Variants in DST observed in about 807,000 individuals in gnomAD.
DST encodes bullous pemphigoid antigen.
Under a neutral mutation model 875.2 loss-of-function variants are expected in DST, and 253 were observed. The observed-to-expected ratio is 0.29, with a 90% CI of 0.26 to 0.32. The LOEUF (loss-of-function observed/expected upper bound fraction) is 0.32. DST is among the 10% of genes least tolerant of loss of function. DST has a pLI of 1.00. For missense variants in DST, 8,287 were observed against 9,111.6 expected (o/e 0.91, Z 3.68); for synonymous variants, 3,124 against 3,197.1 (o/e 0.98, Z 0.77).
At chr6:56,920,691 C>T (rs1803631786) in intron 2 of DST, among the ~76,000 whole-genome samples, 1 of 151,230 alleles carries the variant, frequency 6.6e-6, no homozygotes, top group Admixed American at 6.6e-5. Flanking sequence ...TAGCAAGATG[C>T]CATCAACAGC....
At chr6:56,536,054 C>T (rs2096991280) in intron 62 of DST, among the ~76,000 whole-genome samples, 1 of 152,116 alleles carries the variant, frequency 6.6e-6, no homozygotes, top group Non-Finnish European at 1.5e-5. Context: ...AGATGTCAAT[C>T]GAAAGAAAAC....
chr6:56,653,557 C>T (rs766082445), intron 10 of DST, among the ~76,000 whole-genome samples: 13 of 152,014 alleles, frequency 8.6e-5, no homozygotes, highest in African/African-American at 2.9e-4. Flanking sequence ...TGATGGCAGG[C>T]GCCTGTAATC....
intron 80 of DST, among the ~76,000 whole-genome samples, chr6:56,498,376 T>C (rs2095995683): frequency 6.6e-6 from 1 of 152,132 alleles, no homozygotes; most frequent in Non-Finnish European, 1.5e-5. Context: ...AGTCTCACTA[T>C]GTTGCCCAGG....
rs763241467 is a variant in DST at position 56,504,117 on chromosome 6, C to A, written c.19465-19G>T. 182 of 1,557,936 alleles carry A rather than the reference C, an allele frequency of 1.2e-4. No individual in the cohort carries two copies. Among genetic ancestry groups the A allele is most frequent in the Non-Finnish European group, 1.0e-4 (118 of 1,134,200 alleles). ...ATACCGCCTGAAAGACACATTCGCC[C>A]ACGTGTTGTTACAACAGTACATTTG... is the stretch of plus-strand genomic sequence containing the variant. On this transcript the variant is annotated intron_variant, in intron 77 of 103. Coordinates refer to ENST00000680361, the MANE Select transcript of DST (RefSeq NM_001374736.1).
At position 56,608,573 on chromosome 6, in the gene DST, C is replaced by G. The variant is rs562634117; in HGVS notation, c.6055G>C (p.Asp2019His). ...TATGTGAGGATACTGCTAGCAGTGT[C>G]CCTGTCAATCACCCCTTCTCTGACA... Reference protein sequence around the residue: ...EAVREGVIDRDTASSILTYQV... With the variant: ...EAVREGVIDRHTASSILTYQV... The change falls in exon 40 of 104, where the codon GAC becomes CAC. Residue 2019 changes from aspartate to histidine, a missense_variant. Physicochemically the swap from Asp to His is moderately conservative, Grantham distance 81. Coordinates refer to ENST00000680361, the MANE Select transcript of DST (RefSeq NM_001374736.1). The G allele has an allele frequency of 1.2e-6, 2 of 1,613,468 alleles. No homozygotes were observed. Among genetic ancestry groups the G allele is most frequent in the African/African-American group, 2.7e-5 (2 of 75,026 alleles).
rs143954921 is a variant in DST, at chr6:56,463,198, TA to T, written c.22960-43del. ...CAAATCAAATGAAAAGGATAGCAGA[TA>T]AAAAAAACAAAGCCACAGAAAGAGA... On this transcript the variant is annotated intron_variant, in intron 101 of 103. Coordinates refer to ENST00000680361, the MANE Select transcript of DST (RefSeq NM_001374736.1). 471 of 1,204,156 alleles carry T rather than the reference TA, an allele frequency of 3.9e-4. 6 individuals carry two copies. The South Asian group carries it at 4.9e-3, about 13-fold the overall frequency. The allele number at this position is 1,204,156 out of a possible 1,614,324, so 74.6% of individuals were successfully genotyped here.
At chr6:56,581,610 C>A (rs1000841223) in intron 49 of DST, among the ~76,000 whole-genome samples, 2 of 152,212 alleles carry the variant, frequency 1.3e-5, no homozygotes, top group Non-Finnish European at 2.9e-5. Context: ...GCATTTCTAA[C>A]AGCTCTTACA....
chr6:56,921,599 A>AT (rs1804241893), intron 2 of DST, among the ~76,000 whole-genome samples: 1 of 152,214 alleles, frequency 6.6e-6, no homozygotes, highest in Non-Finnish European at 1.5e-5. Flanking sequence ...AGTGTTAAAG[A>AT]TTTTTTAAAA....
At chr6:56,512,976 G>A (rs1013262698) in intron 72 of DST, among the ~76,000 whole-genome samples, 17 of 152,170 alleles carry the variant, frequency 1.1e-4, no homozygotes, top group Non-Finnish European at 1.9e-4. Flanking sequence ...CTGCTTTACC[G>A]AATGGAGGTG....
chr6:56,941,211 G>C (rs1294414130), intron 2 of DST, among the ~76,000 whole-genome samples: 1 of 151,990 alleles, frequency 6.6e-6, no homozygotes, highest in Non-Finnish European at 1.5e-5. Flanking sequence ...GCACTGCTTT[G>C]GCTGCACCCC....
chr6:56,741,057 A>C (rs2099545139), intron 4 of DST, among the ~76,000 whole-genome samples: 1 of 152,204 alleles, frequency 6.6e-6, no homozygotes, highest in African/African-American at 2.4e-5. Flanking sequence ...TTTCTAAGTG[A>C]ATAAAAACTG....
intron 2 of DST, among the ~76,000 whole-genome samples, chr6:56,906,737 T>G (rs1796591683): frequency 6.6e-6 from 1 of 152,122 alleles, no homozygotes; most frequent in Non-Finnish European, 1.5e-5. Flanking sequence ...TTTCTCTTTC[T>G]TTTGCCTATT....
chr6:56,691,350 T>A (rs2099227401), intron 9 of DST, among the ~76,000 whole-genome samples: 2 of 152,170 alleles, frequency 1.3e-5, no homozygotes, highest in African/African-American at 4.8e-5. Context: ...GGCATAATAT[T>A]GGCAAGGTGT....
chr6:56,900,682 C>A, intron 2 of DST, 61 bp from the exon 3 acceptor site: 1 of 1,257,008 alleles, frequency 8.0e-7, no homozygotes. Flanking sequence ...TGGAAGTTCT[C>A]CATGGCTAGT....
intron 5 of DST, among the ~76,000 whole-genome samples, chr6:56,719,693 G>A (rs552726539): frequency 8.5e-5 from 13 of 152,282 alleles, no homozygotes; most frequent in South Asian, 2.1e-4. Context: ...TTCCCTAAGC[G>A]TCAGCCGGTT....
In DST at chr6:56,593,887, T is replaced by C; in HGVS notation, c.12502A>G (p.Asn4168Asp). ...ENLEAGADDI[N>D]GLMTKLKRQK... ...CTCTTCAATTTGGTCATTAAACCAT[T>C]GATGTCATCTGCACCTGCCTCCAGG... The change falls in exon 48 of 104, where the codon AAT (asparagine) becomes GAT (aspartate). Residue 4168 changes from asparagine (N) to aspartate (D), a missense_variant. Asn to Asp is a conservative substitution (Grantham distance 23, BLOSUM62 1). Coordinates refer to ENST00000680361, the MANE Select transcript of DST (RefSeq NM_001374736.1). The C allele has an allele frequency of 6.2e-7, 1 of 1,614,010 alleles. No individual in the cohort carries two copies. The highest frequency in any genetic ancestry group is 8.5e-7 in the Non-Finnish European group (1 of 1,179,886).
chr6:56,726,707 T>C (rs1241413012), intron 5 of DST, among the ~76,000 whole-genome samples: 1 of 152,204 alleles, frequency 6.6e-6, no homozygotes, highest in Non-Finnish European at 1.5e-5. Flanking sequence ...TCTCTTTTCC[T>C]GCAGACTAAC....
At chr6:56,562,617 G>A (rs2097556009) in intron 55 of DST, among the ~76,000 whole-genome samples, 2 of 151,272 alleles carry the variant, frequency 1.3e-5, no homozygotes, top group African/African-American at 4.9e-5. Flanking sequence ...TATATTTTAA[G>A]TTCTGGGATA....
At chr6:56,809,495 T>C (rs185250284) in intron 4 of DST, among the ~76,000 whole-genome samples, 4 of 152,332 alleles carry the variant, frequency 2.6e-5, no homozygotes, top group Admixed American at 2.6e-4. Context: ...TTATGATGAT[T>C]ATATTCTTAT....
Sources: gnomAD v4.1 joint callset for allele counts (sites outside exome capture counted in the v4.1 genomes callset) on GRCh38, gnomAD v4.1.1 for gene constraint, MANE v1.5 for transcripts, NCBI Gene and HGNC (gene_info 2026-07-23, HGNC 2026-07-21) for gene names.